Variants in ALPK1 observed in about 807,000 individuals in gnomAD.
The protein encoded by ALPK1 is alpha kinase 1, also known as alpha-protein kinase 1.
A neutral mutation model predicts 120.6 loss-of-function variants in ALPK1; 110 were observed. The observed-to-expected ratio is 0.91, with a 90% CI of 0.78 to 1.07. The LOEUF is 1.07. Among genes scored for constraint, ALPK1 ranks in the 50% least tolerant of loss-of-function variants. ALPK1 has a pLI of 0.00. For synonymous variants in ALPK1, 582 were observed against 560.3 expected, an observed-to-expected ratio of 1.04 and a Z score of -0.55; for missense variants, 1,498 against 1,483.9, an observed-to-expected ratio of 1.01 and a Z score of -0.16.
At chr4:112,432,652 A>C in intron 11 of ALPK1, 71 bp downstream of exon 11, 1 of 1,416,058 alleles carries the variant, frequency 7.1e-7, no homozygotes. Context: ...AGAGCTTGGT[A>C]TGTAGATCAC....
Position 112,423,986 on chromosome 4 carries a change from G to A in ALPK1, c.518G>A (p.Ser173Asn). ...GAGTATATTCTGAGCAGTCTAATAA[G>A]CAACAATGGAGCAACGGGTGAGTAC... ...KAEYILSSLI[S>N]NNGATGTWLY... The change falls in exon 6 of 16, where the codon AGC becomes AAC. Residue 173 changes from serine (S) to asparagine (N), a missense_variant. Coordinates refer to ENST00000650871, the MANE Select transcript of ALPK1 (RefSeq NM_025144.4). 6.2e-7 allele frequency: 1 copy of A among 1,613,872 alleles called. No homozygotes were observed. The highest frequency in any genetic ancestry group is 8.5e-7 in the Non-Finnish European group (1 of 1,179,990).
chr4:112,397,127 G>C (rs112380722), intron 4 of ALPK1, among the ~76,000 whole-genome samples: 8 of 152,286 alleles, frequency 5.3e-5, no homozygotes, highest in African/African-American at 1.9e-4. Context: ...AAGTCTAAAG[G>C]TTAAGTAACA....
At chr4:112,432,609 C>T in intron 11 of ALPK1, 28 bp downstream of exon 11, 1 of 1,588,526 alleles carries the variant, frequency 6.3e-7, no homozygotes, top group Non-Finnish European at 8.5e-7. Flanking sequence ...AATAGTTCCC[C>T]CCTCAGGAAG....
chr4:112,387,486 A>G (rs1304013650), intron 4 of ALPK1, among the ~76,000 whole-genome samples: 1 of 152,138 alleles, frequency 6.6e-6, no homozygotes, highest in Non-Finnish European at 1.5e-5. Flanking sequence ...ACTCACGGAG[A>G]TACAAGATCA....
chr4:112,438,418 C>G, intron 12 of ALPK1, 66 bp from the exon 13 acceptor site: 1 of 1,480,140 alleles, frequency 6.8e-7, no homozygotes. Context: ...TTGATCTCCT[C>G]TCTCTTACTC....
At position 112,382,431 on chromosome 4, in the gene ALPK1, A is replaced by G. The variant is rs1373478761; in HGVS notation, c.155A>G (p.Gln52Arg). 17 of 1,613,704 alleles carry G rather than the reference A, an allele frequency of 1.1e-5. No individual in the cohort carries two copies. Among genetic ancestry groups the G allele is most frequent in the Non-Finnish European group, 1.4e-5 (16 of 1,180,004 alleles). Residue 52 changes from glutamine to arginine, a missense_variant, in exon 4 of 16, where the codon CAG becomes CGG. By Grantham distance (43) the Gln-to-Arg change is conservative. Coordinates refer to ENST00000650871, the MANE Select transcript of ALPK1 (RefSeq NM_025144.4). ...CCCAGCGAGTTAAGGACCCTGATCC[A>G]GGAGGCAAAGGAAATGAAGTGGCCC... ...LLPSELRTLI[Q>R]EAKEMKWPFV...
At chr4:112,441,168 G>A (rs1735028330) in intron 15 of ALPK1, 35 bp from the exon 16 acceptor site, 3 of 1,613,232 alleles carry the variant, frequency 1.9e-6, no homozygotes, top group African/African-American at 2.7e-5. Flanking sequence ...CAAATATCTG[G>A]TGATGCTCGC....
At chr4:112,299,994 A>G (rs1050960715) in intron 1 of ALPK1, among the ~76,000 whole-genome samples, 1 of 152,200 alleles carries the variant, frequency 6.6e-6, no homozygotes, top group African/African-American at 2.4e-5. Flanking sequence ...GCCAATGGCT[A>G]TATGCAATAA....
Position 112,416,472 on chromosome 4 carries a change from A to C in ALPK1, c.475+4447A>C, listed in dbSNP as rs1408537709. Among the ~76,000 whole-genome samples, 4 of 152,192 alleles carry C rather than the reference A, an allele frequency of 2.6e-5. No homozygotes were observed. The East Asian group carries it at 7.7e-4, about 29-fold the overall frequency. On this transcript the variant is annotated intron_variant, in intron 5 of 15. Coordinates refer to ENST00000650871, the MANE Select transcript of ALPK1 (RefSeq NM_025144.4). ...ATAGGGAAGTTTAAAAAACTCAAAG[A>C]GATTTAAAAAAACACAGAAGCATAG...
chr4:112,374,610 T>A (rs1234383512), intron 2 of ALPK1, among the ~76,000 whole-genome samples: 1 of 152,210 alleles, frequency 6.6e-6, no homozygotes, highest in Non-Finnish European at 1.5e-5. Flanking sequence ...ATAAAAGATA[T>A]AAGCTGTGAT....
Position 112,377,840 on chromosome 4 carries a change from C to G in ALPK1, c.63C>G (p.Leu21=). ...AGTGCAAGCAAGTGCTGGATCAGCTCTTGTTGGAAGCGCCAGATGTGTCGG... is the reference window on the plus strand; with the variant it reads ...AGTGCAAGCAAGTGCTGGATCAGCTGTTGTTGGAAGCGCCAGATGTGTCGG... ...LQECKQVLDQ[L]LLEAPDVSEE... is the part of the protein sequence containing the mutation. Residue 21 remains leucine, a synonymous_variant, in exon 3 of 16, where the codon CTC becomes CTG. Transcript: ENST00000650871. 6.2e-7 allele frequency: 1 copy of G among 1,613,440 alleles called. No individual in the cohort carries two copies. Among genetic ancestry groups the G allele is most frequent in the East Asian group, 2.2e-5 (1 of 44,828 alleles).
At chr4:112,341,041 T>C (rs28459385) in intron 2 of ALPK1, among the ~76,000 whole-genome samples, 25,786 of 152,044 alleles carry the variant, frequency 0.17, 2,209 homozygotes, top group Admixed American at 0.19. Context: ...ACTGGGTGCT[T>C]AGTTACTAGC....
chr4:112,384,713 T>G (rs889029212), intron 4 of ALPK1: 12 of 152,378 alleles, frequency 7.9e-5, no homozygotes, highest in African/African-American at 2.6e-4. Context: ...AGCCACTGTT[T>G]GCAGGAAAGA....
chr4:112,351,288 G>A (rs1253298509), intron 2 of ALPK1, among the ~76,000 whole-genome samples: 1 of 152,142 alleles, frequency 6.6e-6, no homozygotes, highest in Non-Finnish European at 1.5e-5. Context: ...CTGGACAGAG[G>A]AGGGTGGGAC....
At position 112,441,364 on chromosome 4, in the gene ALPK1, T is replaced by A. The variant is rs1735034965; in HGVS notation, c.*154T>A. 2 of 736,352 alleles carry A rather than the reference T, an allele frequency of 2.7e-6. No individual in the cohort carries two copies. The highest frequency in any genetic ancestry group is 4.9e-6 in the Non-Finnish European group (2 of 404,064). 45.6% of individuals were successfully genotyped at this position (736,352 alleles called of 1,614,324 possible). On this transcript the variant is annotated 3_prime_UTR_variant, in exon 16 of 16. Transcript: ENST00000650871. The stretch of plus-strand genomic sequence containing the variant: ...AGAGCCTCTTTCCCTCTGCCACAGT[T>A]ATCAAGAATGGGTCAGGAGACCGCT...
At chr4:112,358,362 C>T (rs774978498) in intron 2 of ALPK1, 42 of 600,200 alleles carry the variant, frequency 7.0e-5, no homozygotes, top group East Asian at 3.9e-4. Flanking sequence ...ATGCCAGCAC[C>T]GGCCCCCTGG....
At chr4:112,358,709 G>A (rs1299838191) in intron 2 of ALPK1, 1 of 765,584 alleles carries the variant, frequency 1.3e-6, no homozygotes, top group Non-Finnish European at 2.4e-6. Flanking sequence ...CGCAAGGAAG[G>A]AGGAAGAAGA....
chr4:112,409,695 A>G (rs1344806487), intron 4 of ALPK1, among the ~76,000 whole-genome samples: 1 of 152,166 alleles, frequency 6.6e-6, no homozygotes, highest in African/African-American at 2.4e-5. Flanking sequence ...GAAGTCATAC[A>G]TGCCCACTTT....
chr4:112,387,708 T>G (rs1732216083), intron 4 of ALPK1, among the ~76,000 whole-genome samples: 1 of 152,198 alleles, frequency 6.6e-6, no homozygotes, highest in Non-Finnish European at 1.5e-5. Context: ...AATGTTGAGT[T>G]GTTTCTTTAT....
Sources: allele counts gnomAD v4.1 joint callset (sites outside exome capture counted in the v4.1 genomes callset), GRCh38; gene constraint gnomAD v4.1.1; transcripts MANE v1.5; gene names NCBI Gene and HGNC (gene_info 2026-07-23, HGNC 2026-07-21).